The following CRACD variants were observed in gnomAD, a reference collection of about 807,000 sequenced individuals.
The protein encoded by CRACD is capping protein-inhibiting regulator of actin dynamics.
CRACD carries 56 observed loss-of-function variants against 106.8 expected under a neutral mutation model. That is an observed-to-expected ratio of 0.52 (90% CI 0.42 to 0.66). The LOEUF (loss-of-function observed/expected upper bound fraction) is 0.66, where lower values mean the gene tolerates loss of function less well. CRACD is among the 30% of genes least tolerant of loss of function. The pLI, the probability that CRACD is intolerant of heterozygous loss-of-function variation, is 0.00. For synonymous variants in CRACD, 754 were observed against 670.8 expected (o/e 1.12, Z -1.92); for missense variants, 1,730 against 1,623.2 (o/e 1.07, Z -1.13).
intron 1 of CRACD, among the ~76,000 whole-genome samples, chr4:56,176,674 A>T (rs1736598237): frequency 6.6e-6 from 1 of 152,018 alleles, no homozygotes. Context: ...TGACCTTGTG[A>T]TCCACCTGCC....
Position 56,307,518 on chromosome 4 carries a change from C to A in CRACD, c.121-17C>A. On this transcript the variant is annotated splice_polypyrimidine_tract_variant and intron_variant, in intron 4 of 10. Transcript: ENST00000682029. ...TGCTTCACTGCTTCAGAATGTCTTTCTTCTGTTTCTCTCCAGCAACAGTTG... is the reference window on the plus strand; with the variant it reads ...TGCTTCACTGCTTCAGAATGTCTTTATTCTGTTTCTCTCCAGCAACAGTTG... 6.2e-7 allele frequency: 1 copy of A among 1,613,578 alleles called. No homozygotes were observed.
chr4:56,316,033 C>G lies in CRACD; in HGVS notation c.2531C>G (p.Pro844Arg). ...CCAGGTGGAGAGGAAAAAGCCTCAC[C>G]GTTTGGAATAAAATTGAGAAGGACC... ...VMPGGEEKAS[P>R]FGIKLRRTNY... The change falls in exon 8 of 11, where the codon CCG becomes CGG. Residue 844 changes from proline (P) to arginine (R), a missense_variant. Physicochemically the swap from Pro to Arg is moderately radical, Grantham distance 103. Transcript: ENST00000682029. The G allele has an allele frequency of 6.2e-7, 1 of 1,614,212 alleles. No homozygotes were observed. The highest frequency in any genetic ancestry group is 8.5e-7 in the Non-Finnish European group (1 of 1,180,048).
intron 4 of CRACD, among the ~76,000 whole-genome samples, chr4:56,306,568 T>C (rs1446967475): frequency 6.6e-6 from 1 of 152,148 alleles, no homozygotes. Context: ...TCAGAAAATA[T>C]ATTCTTTGAG....
intron 1 of CRACD, among the ~76,000 whole-genome samples, chr4:56,132,719 A>G (rs1312959458): frequency 2.6e-5 from 4 of 152,142 alleles, no homozygotes; most frequent in African/African-American, 9.7e-5. Context: ...GTAAGCTTCT[A>G]GAGGGCAGAC....
intron 2 of CRACD, among the ~76,000 whole-genome samples, chr4:56,192,898 T>A (rs998095665): frequency 2.6e-5 from 4 of 152,206 alleles, no homozygotes; most frequent in Admixed American, 2.0e-4. Context: ...TTAGCTTCTC[T>A]TCACCCGAAA....
At chr4:56,228,481 G>A (rs1216460271) in intron 2 of CRACD, among the ~76,000 whole-genome samples, 4 of 151,984 alleles carry the variant, frequency 2.6e-5, no homozygotes, top group South Asian at 2.1e-4. Flanking sequence ...TGCCTAAGTC[G>A]GCCAGGATGG....
chr4:56,230,598 T>C (rs1739564440), intron 2 of CRACD, among the ~76,000 whole-genome samples: 1 of 152,150 alleles, frequency 6.6e-6, no homozygotes, highest in South Asian at 2.1e-4. Flanking sequence ...ACCTGAACAA[T>C]GGTTTTCGAG....
At chr4:56,264,426 A>AACCACATAT (rs79406911) in intron 2 of CRACD, among the ~76,000 whole-genome samples, 1 of 151,964 alleles carries the variant, frequency 6.6e-6, no homozygotes, top group Non-Finnish European at 1.5e-5. Flanking sequence ...TTAGAAGCCT[A>AACCACATAT]ACCACATATA....
At chr4:56,298,186 A>G (rs1422339634) in intron 3 of CRACD, 28 bp from the exon 4 acceptor site, 2 of 1,600,264 alleles carry the variant, frequency 1.2e-6, no homozygotes, top group South Asian at 2.2e-5. Flanking sequence ...TTATCCTAAT[A>G]AAATGAAGCA....
chr4:56,231,337 A>G (rs1038337589), intron 2 of CRACD, among the ~76,000 whole-genome samples: 6 of 152,216 alleles, frequency 3.9e-5, no homozygotes, highest in African/African-American at 7.2e-5. Flanking sequence ...TAGGTGCTCA[A>G]TGAATATTCA....
At chr4:56,261,887 A>G (rs1281100591) in intron 2 of CRACD, among the ~76,000 whole-genome samples, 1 of 152,202 alleles carries the variant, frequency 6.6e-6, no homozygotes, top group Non-Finnish European at 1.5e-5. Flanking sequence ...TTAGGTGCAT[A>G]TAGTCAGCTC....
At chr4:56,121,944 C>T (rs1205674942) in intron 1 of CRACD, among the ~76,000 whole-genome samples, 2 of 152,162 alleles carry the variant, frequency 1.3e-5, no homozygotes, top group Admixed American at 1.3e-4. Context: ...TTATCATGGA[C>T]ATTGTTTTCT....
intron 2 of CRACD, among the ~76,000 whole-genome samples, chr4:56,204,625 A>G (rs892101186): frequency 6.6e-6 from 1 of 152,238 alleles, no homozygotes; most frequent in South Asian, 2.1e-4. Context: ...TTTGGAAGGA[A>G]CATTCAAATC....
intron 1 of CRACD, among the ~76,000 whole-genome samples, chr4:56,144,229 A>G (rs191403620): frequency 2.2e-4 from 33 of 152,300 alleles, no homozygotes; most frequent in Non-Finnish European, 4.7e-4. Context: ...TGAGGCTCCA[A>G]TGCTTCCCAG....
At chr4:56,100,221 C>T (rs565194688) in intron 1 of CRACD, among the ~76,000 whole-genome samples, 3 of 151,730 alleles carry the variant, frequency 2.0e-5, no homozygotes, top group East Asian at 3.9e-4. Context: ...CCAGCCTTGG[C>T]GACAGAGCAA....
At chr4:56,095,269 T>C (rs1733561306) in intron 1 of CRACD, among the ~76,000 whole-genome samples, 1 of 152,206 alleles carries the variant, frequency 6.6e-6, no homozygotes, top group Non-Finnish European at 1.5e-5. Flanking sequence ...GAAGACTTGC[T>C]TGAGCCCGGG....
intron 3 of CRACD, among the ~76,000 whole-genome samples, chr4:56,273,556 A>G (rs1251760541): frequency 6.6e-6 from 1 of 152,180 alleles, no homozygotes; most frequent in Non-Finnish European, 1.5e-5. Context: ...TGAAGTCAGT[A>G]TCAGAGCTGG....
At chr4:56,310,639 G>A in intron 5 of CRACD, 27 bp from the exon 6 acceptor site, 1 of 1,556,398 alleles carries the variant, frequency 6.4e-7, no homozygotes, top group South Asian at 1.1e-5. Context: ...TCAGGCCTTT[G>A]ACTTGAATGC....
At chr4:56,299,490 T>C (rs1744239651) in intron 4 of CRACD, among the ~76,000 whole-genome samples, 1 of 151,890 alleles carries the variant, frequency 6.6e-6, no homozygotes, top group Non-Finnish European at 1.5e-5. Context: ...GGCAACATGG[T>C]GAAACCCCAT....
Sources: allele counts gnomAD v4.1 joint callset (sites outside exome capture counted in the v4.1 genomes callset), GRCh38; gene constraint gnomAD v4.1.1; transcripts MANE v1.5; gene names NCBI Gene and HGNC (gene_info 2026-07-23, HGNC 2026-07-21).